The following THADA variants were observed in gnomAD, a reference collection of about 807,000 sequenced individuals.
THADA encodes tRNA (32-2'-O)-methyltransferase regulator THADA.
THADA carries 213 observed loss-of-function variants against 219.8 expected under a neutral mutation model. The observed-to-expected ratio is 0.97, with a 90% CI of 0.87 to 1.09. THADA has a LOEUF of 1.09. Ranked by LOEUF, THADA falls within the 50% of genes least tolerant of loss-of-function variation. THADA has a pLI of 0.00. For synonymous variants in THADA, 1,018 were observed against 828.9 expected (o/e 1.23, Z -3.92); for missense variants, 2,956 against 2,311.3 (o/e 1.28, Z -5.72).
intron 26 of THADA, among the ~76,000 whole-genome samples, chr2:43,445,458 A>C (rs7609383): frequency 0.026 from 4,013 of 152,232 alleles, 190 homozygotes; most frequent in African/African-American, 0.091. Context: ...CAGAAAAGAG[A>C]TGTCAGGAGT....
intron 26 of THADA, among the ~76,000 whole-genome samples, chr2:43,462,259 C>T (rs761289334): frequency 6.6e-6 from 1 of 152,142 alleles, no homozygotes; most frequent in African/African-American, 2.4e-5. Context: ...AGGCATCTTT[C>T]CACAGAAACT....
intron 29 of THADA, among the ~76,000 whole-genome samples, chr2:43,362,271 C>T (rs528669791): frequency 1.3e-4 from 20 of 152,128 alleles, no homozygotes; most frequent in African/African-American, 4.8e-4. Flanking sequence ...CATTTGCAGT[C>T]CTACTTCAAA....
chr2:43,363,181 C>A (rs1248608587), intron 29 of THADA, among the ~76,000 whole-genome samples: 1 of 152,172 alleles, frequency 6.6e-6, no homozygotes, highest in Non-Finnish European at 1.5e-5. Flanking sequence ...AAACCAGGAA[C>A]ATAGTCATCT....
chr2:43,360,031 G>C (rs944633226), intron 29 of THADA, among the ~76,000 whole-genome samples: 37 of 151,810 alleles, frequency 2.4e-4, no homozygotes, highest in African/African-American at 9.0e-4. Flanking sequence ...TGGTGTGCTG[G>C]GCAAATTAAT....
intron 1 of THADA, among the ~76,000 whole-genome samples, chr2:43,594,581 T>C (rs1010193403): frequency 8.1e-6 from 1 of 124,136 alleles, no homozygotes; most frequent in African/African-American, 3.4e-5. Flanking sequence ...CGAAACTCCA[T>C]CTCAAATAAA....
At chr2:43,411,351 T>G (rs1162133917) in intron 28 of THADA, among the ~76,000 whole-genome samples, 1 of 152,164 alleles carries the variant, frequency 6.6e-6, no homozygotes, top group Non-Finnish European at 1.5e-5. Flanking sequence ...AAATTCAATT[T>G]TATTCATTTT....
At chr2:43,390,442 TACCTTTATTCAAAAA>T (rs1673227258) in intron 29 of THADA, among the ~76,000 whole-genome samples, 1 of 152,162 alleles carries the variant, frequency 6.6e-6, no homozygotes, top group Admixed American at 6.5e-5. Flanking sequence ...GTCTACCCTT[TACCTTTATTCAAAAA>T]ATAAGAAAGT....
At position 43,278,855 on chromosome 2, in the gene THADA, G is replaced by A. The variant is rs547483130; in HGVS notation, c.5296+910C>T. Among the ~76,000 whole-genome samples, 3 of 152,238 alleles carry A rather than the reference G, an allele frequency of 2.0e-5. No homozygotes were observed. The South Asian group carries it at 6.2e-4, about 32-fold the overall frequency. ...TGCATCAATTACAAAGGCTTATCTG[G>A]CCTCCTTTTCTCTCATTCTGCTGTC... On this transcript the variant is annotated intron_variant, in intron 36 of 37. Coordinates refer to ENST00000405975, the MANE Select transcript of THADA (RefSeq NM_022065.5).
intron 36 of THADA, among the ~76,000 whole-genome samples, chr2:43,272,771 T>C (rs1380385064): frequency 6.6e-6 from 1 of 151,752 alleles, no homozygotes; most frequent in African/African-American, 2.4e-5. Flanking sequence ...ACCACAGGCA[T>C]GCACCACTAC....
chr2:43,428,217 G>C lies in THADA; in HGVS notation c.3941C>G (p.Pro1314Arg), dbSNP rs756773881. ...GAGAAACATGCTTGGATGACGATTT[G>C]GTTCTCCCATATCACTGAAACAACA... ...ANTVDSDMGE[P>R]NRHPSMFLLL... Residue 1314 changes from proline to arginine, a missense_variant, in exon 28 of 38, where the codon CCA (proline) becomes CGA (arginine). By Grantham distance (103) the Pro-to-Arg change is moderately radical. Coordinates refer to ENST00000405975, the MANE Select transcript of THADA (RefSeq NM_022065.5). 38 of 1,599,604 alleles carry C rather than the reference G, an allele frequency of 2.4e-5. No individual in the cohort carries two copies. The East Asian group carries it at 6.5e-4, about 27-fold the overall frequency.
At chr2:43,422,902 G>C (rs1290954660) in intron 28 of THADA, among the ~76,000 whole-genome samples, 2 of 152,110 alleles carry the variant, frequency 1.3e-5, no homozygotes, top group Non-Finnish European at 2.9e-5. Flanking sequence ...AAAATTTTTT[G>C]TAGAGACAGG....
chr2:43,414,504 A>G (rs530114452), intron 28 of THADA, among the ~76,000 whole-genome samples: 1 of 152,320 alleles, frequency 6.6e-6, no homozygotes, highest in East Asian at 1.9e-4. Context: ...GAACCACCAA[A>G]ATGAAGCATT....
chr2:43,349,997 A>T (rs898435941), intron 29 of THADA, among the ~76,000 whole-genome samples: 10 of 152,176 alleles, frequency 6.6e-5, no homozygotes, highest in Admixed American at 1.3e-4. Context: ...TTTACACAGG[A>T]TTTTATTTCG....
In THADA at chr2:43,292,940, G is replaced by A. The variant is rs781596030; in HGVS notation, c.4712C>T (p.Ala1571Val). 1 of 1,614,048 alleles carries A rather than the reference G, an allele frequency of 6.2e-7. No individual in the cohort carries two copies. Among genetic ancestry groups the A allele is most frequent in the Non-Finnish European group, 8.5e-7 (1 of 1,179,904 alleles). ...GCCCTTCTCTCCAAGTCCAGAGGCT[G>A]CTGCTAAGAACTTTTCCAAGAGGGC... ...LEALLEKFLAAASGLGEKGVP... is the reference protein window; with the variant it reads ...LEALLEKFLAVASGLGEKGVP... The change falls in exon 32 of 38, where the codon GCA (alanine) becomes GTA (valine). Residue 1571 changes from alanine (A) to valine (V), a missense_variant. Coordinates refer to ENST00000405975, the MANE Select transcript of THADA (RefSeq NM_022065.5).
At chr2:43,447,510 G>A (rs1054911405) in intron 26 of THADA, among the ~76,000 whole-genome samples, 1 of 152,100 alleles carries the variant, frequency 6.6e-6, no homozygotes, top group African/African-American at 2.4e-5. Flanking sequence ...ATAGATTCTG[G>A]GAATTAGGAT....
In THADA at chr2:43,446,595, A is replaced by T. The variant is rs558628268; in HGVS notation, c.3837-16293T>A. ...CACCTGAGTGATCCCAGATGACAAC[A>T]CATGGCGAAGAAGGACTGCCCAGCT... On this transcript the variant is annotated intron_variant, in intron 26 of 37. Transcript: ENST00000405975. 9.2e-5 allele frequency among the ~76,000 whole-genome samples: 14 copies of T among 152,334 alleles called. No homozygotes were observed. In the East Asian group the frequency reaches 2.5e-3, roughly 27 times the overall value.
chr2:43,300,029 A>G (rs1188551225), intron 31 of THADA, among the ~76,000 whole-genome samples: 1 of 143,116 alleles, frequency 7.0e-6, no homozygotes, highest in Non-Finnish European at 1.5e-5. Flanking sequence ...ACTCTGTCTC[A>G]AGGCAAAAAA....
intron 35 of THADA, among the ~76,000 whole-genome samples, chr2:43,286,056 C>G (rs779461219): frequency 1.3e-5 from 2 of 152,198 alleles, no homozygotes; most frequent in Non-Finnish European, 2.9e-5. Context: ...CTCTTCCTTG[C>G]TGCCACAGCT....
At chr2:43,444,090 G>C (rs572221462) in intron 26 of THADA, among the ~76,000 whole-genome samples, 2 of 152,198 alleles carry the variant, frequency 1.3e-5, no homozygotes, top group Non-Finnish European at 2.9e-5. Context: ...TGGTTATTGA[G>C]GAAAAAATAA....
Sources: gnomAD v4.1 joint callset for allele counts (sites outside exome capture counted in the v4.1 genomes callset) on GRCh38, gnomAD v4.1.1 for gene constraint, MANE v1.5 for transcripts, NCBI Gene and HGNC (gene_info 2026-07-23, HGNC 2026-07-21) for gene names.